Variants in ZNF407 observed in about 807,000 individuals in gnomAD.
ZNF407 encodes the protein zinc finger protein 407.
ZNF407 carries 17 observed loss-of-function variants against 131.2 expected under a neutral mutation model. The ratio of observed to expected loss-of-function variants is 0.13; its 90% confidence interval spans 0.09 to 0.19. The LOEUF (loss-of-function observed/expected upper bound fraction) is 0.19, where lower values mean the gene tolerates loss of function less well. ZNF407 is among the 10% of genes least tolerant of loss of function. The probability of loss-of-function intolerance (pLI) is 1.00; values close to 1 mark genes in which losing one functional copy is unlikely to be tolerated. For synonymous variants in ZNF407, 1,156 were observed against 1,062.0 expected, an observed-to-expected ratio of 1.09 and a Z score of -1.72; for missense variants, 2,681 against 2,830.6, an observed-to-expected ratio of 0.95 and a Z score of 1.20.
chr18:74,997,461 G>C (rs12455595), intron 8 of ZNF407, among the ~76,000 whole-genome samples: 25,683 of 151,914 alleles, frequency 0.17, 2,360 homozygotes, highest in Admixed American at 0.29. Flanking sequence ...GTAAAATACA[G>C]CCTCTTGAAA....
At chr18:74,866,785 T>C (rs895414908) in intron 4 of ZNF407, among the ~76,000 whole-genome samples, 11 of 149,320 alleles carry the variant, frequency 7.4e-5, no homozygotes, top group African/African-American at 2.7e-4. Flanking sequence ...TTGTATTCAT[T>C]ATATTTTATT....
At chr18:74,945,626 A>G (rs1972146220) in intron 8 of ZNF407, among the ~76,000 whole-genome samples, 1 of 152,136 alleles carries the variant, frequency 6.6e-6, no homozygotes, top group African/African-American at 2.4e-5. Flanking sequence ...TAAAGATTTC[A>G]TTTTCTCCTG....
rs924261239 is a variant in ZNF407, at chr18:74,998,670, A to G, written c.5429-64480A>G. Among the ~76,000 whole-genome samples the G allele has an allele frequency of 7.2e-5, 10 of 138,992 alleles. No individual in the cohort carries two copies. In the Admixed American group the frequency reaches 7.4e-4, roughly 10 times the overall value. The allele number at this position is 138,992 out of a possible 152,430, so 91.2% of individuals were successfully genotyped here. A position where few individuals can be genotyped will look rare whatever the true frequency, so the allele number is the denominator to read the frequency against. ...GAGATATCATCTCACACCAGTTAGA[A>G]TGGCAATCATTAAAAAGTCAGGAAA... On this transcript the variant is annotated intron_variant, in intron 8 of 8. Transcript: ENST00000299687.
intron 4 of ZNF407, among the ~76,000 whole-genome samples, chr18:74,861,601 A>G (rs2145160088): frequency 6.6e-6 from 1 of 152,334 alleles, no homozygotes; most frequent in Non-Finnish European, 1.5e-5. Flanking sequence ...AAGGAAATGG[A>G]TAGAATACAT....
At chr18:74,606,719 T>G (rs1404982089) in intron 1 of ZNF407, among the ~76,000 whole-genome samples, 1 of 152,260 alleles carries the variant, frequency 6.6e-6, no homozygotes, top group Non-Finnish European at 1.5e-5. Flanking sequence ...TTTTTGGAAT[T>G]ATTTCAAAGT....
At chr18:74,974,225 A>G (rs1001990579) in intron 8 of ZNF407, among the ~76,000 whole-genome samples, 3 of 152,200 alleles carry the variant, frequency 2.0e-5, no homozygotes, top group African/African-American at 4.8e-5. Context: ...GTCGTATTAA[A>G]CAGCTGACCT....
chr18:74,758,658 T>G (rs1362338314), intron 3 of ZNF407, among the ~76,000 whole-genome samples: 1 of 152,184 alleles, frequency 6.6e-6, no homozygotes, highest in Non-Finnish European at 1.5e-5. Flanking sequence ...TGGCATGATC[T>G]CGGCTCACTG....
Position 74,634,366 on chromosome 18 carries a change from C to A in ZNF407, c.3347C>A (p.Ser1116Tyr), listed in dbSNP as rs933633970. 6.2e-7 allele frequency: 1 copy of A among 1,613,868 alleles called. No homozygotes were observed. The highest frequency in any genetic ancestry group is 1.7e-5 in the Admixed American group (1 of 60,018). ...TTTCAAATAATTTCAGGTCAACCAT[C>A]TGATACTCTTAAATCTAGAAATGCT... Reference protein sequence around the residue: ...EEFQIISGQPSDTLKSRNAAD... With the variant: ...EEFQIISGQPYDTLKSRNAAD... Residue 1116 changes from serine (S) to tyrosine (Y), a missense_variant, in exon 2 of 9, where the codon TCT becomes TAT. Coordinates refer to ENST00000299687, the MANE Select transcript of ZNF407 (RefSeq NM_017757.3).
chr18:74,606,144 T>G (rs1982796938), intron 1 of ZNF407, among the ~76,000 whole-genome samples: 1 of 152,164 alleles, frequency 6.6e-6, no homozygotes. Flanking sequence ...TGAGAGCAGT[T>G]TAAGGAAACA....
intron 8 of ZNF407, among the ~76,000 whole-genome samples, chr18:74,973,881 C>G (rs925755418): frequency 6.6e-6 from 1 of 152,150 alleles, no homozygotes; most frequent in Non-Finnish European, 1.5e-5. Flanking sequence ...TAAAATGACA[C>G]TAGACATGTT....
intron 8 of ZNF407, among the ~76,000 whole-genome samples, chr18:74,932,258 G>A (rs1971991345): frequency 6.6e-6 from 1 of 152,110 alleles, no homozygotes; most frequent in South Asian, 2.1e-4. Flanking sequence ...GCATATAGAT[G>A]TCTCATTTTT....
At chr18:74,685,680 C>T (rs763609397) in intron 3 of ZNF407, among the ~76,000 whole-genome samples, 3 of 152,264 alleles carry the variant, frequency 2.0e-5, no homozygotes, top group Non-Finnish European at 2.9e-5. Flanking sequence ...GAATATGTGG[C>T]GCATGCTCTC....
At chr18:74,691,010 G>C (rs774649029) in intron 3 of ZNF407, among the ~76,000 whole-genome samples, 1 of 152,214 alleles carries the variant, frequency 6.6e-6, no homozygotes, top group Non-Finnish European at 1.5e-5. Context: ...CGAGCGCAGT[G>C]GCTCACGCCT....
At chr18:74,696,378 A>C (rs1306402998) in intron 3 of ZNF407, among the ~76,000 whole-genome samples, 6 of 152,246 alleles carry the variant, frequency 3.9e-5, no homozygotes, top group Non-Finnish European at 8.8e-5. Context: ...CCTGTTCTCC[A>C]GAGAAAATCA....
At chr18:74,969,245 T>C (rs1348081550) in intron 8 of ZNF407, among the ~76,000 whole-genome samples, 1 of 152,216 alleles carries the variant, frequency 6.6e-6, no homozygotes, top group East Asian at 1.9e-4. Context: ...CTCCAGCATC[T>C]GATTCACCTT....
chr18:74,943,608 G>C (rs774766381), intron 8 of ZNF407, among the ~76,000 whole-genome samples: 1 of 152,276 alleles, frequency 6.6e-6, no homozygotes, highest in Middle Eastern at 3.4e-3. Context: ...TGATCAATAC[G>C]TTAGACTGTT....
intron 1 of ZNF407, among the ~76,000 whole-genome samples, chr18:74,608,127 C>T (rs1336913430): frequency 1.3e-5 from 2 of 152,188 alleles, no homozygotes; most frequent in Non-Finnish European, 2.9e-5. Flanking sequence ...TAGAAAGTTC[C>T]TATGTATATA....
intron 3 of ZNF407, among the ~76,000 whole-genome samples, chr18:74,731,516 T>C (rs1253460945): frequency 6.6e-6 from 1 of 152,208 alleles, no homozygotes; most frequent in East Asian, 1.9e-4. Flanking sequence ...CTGTTGAGGT[T>C]AAACCCACTT....
chr18:74,612,832 C>T, intron 1 of ZNF407, among the ~76,000 whole-genome samples: 1 of 152,030 alleles, frequency 6.6e-6, no homozygotes, highest in East Asian at 1.9e-4. Flanking sequence ...GAGTCACTGC[C>T]ATGCAGGGTC....
Sources: allele counts gnomAD v4.1 joint callset (sites outside exome capture counted in the v4.1 genomes callset), GRCh38; gene constraint gnomAD v4.1.1; transcripts MANE v1.5; gene names NCBI Gene and HGNC (gene_info 2026-07-23, HGNC 2026-07-21).